The following SYCP1 variants were observed in gnomAD, a reference collection of about 807,000 sequenced individuals.
The protein encoded by SYCP1 is synaptonemal complex protein 1, also known as cancer/testis antigen 8.
In SYCP1, 64 loss-of-function variants were observed where a neutral mutation model predicts 153.1. The observed-to-expected ratio is 0.42, with a 90% confidence interval of 0.34 to 0.51. The LOEUF is 0.51. Among genes scored for constraint, SYCP1 ranks in the 20% least tolerant of loss-of-function variants. SYCP1 has a pLI of 0.06. For synonymous variants in SYCP1, 384 were observed against 341.8 expected (o/e 1.12, Z -1.36); for missense variants, 997 against 1,049.0 (o/e 0.95, Z 0.68).
At position 114,926,263 on chromosome 1, in the gene SYCP1, C is replaced by T. The variant is rs1291293987; in HGVS notation, c.1801-15C>T. 5 of 1,480,628 alleles carry T rather than the reference C, an allele frequency of 3.4e-6. No individual in the cohort carries two copies. The highest frequency in any genetic ancestry group is 4.5e-6 in the Non-Finnish European group (5 of 1,106,748). The allele number at this position is 1,480,628 out of a possible 1,614,324, so 91.7% of individuals were successfully genotyped here. A position where few individuals can be genotyped will look rare whatever the true frequency, so the allele number is the denominator to read the frequency against. On this transcript the variant is annotated splice_polypyrimidine_tract_variant and intron_variant, in intron 21 of 31. Coordinates refer to ENST00000369522, the MANE Select transcript of SYCP1 (RefSeq NM_003176.4). ...ATACTGAATAAAATAGCTATAATTT[C>T]TCACAATTTTTTAGTGTAACAATTT...
chr1:114,881,676 A>T (rs1056422661), intron 12 of SYCP1, among the ~76,000 whole-genome samples: 1 of 151,886 alleles, frequency 6.6e-6, no homozygotes, highest in Non-Finnish European at 1.5e-5. Context: ...TAATTTTAAC[A>T]TTTTTTGTAG....
chr1:114,920,143 C>T (rs1168775590), intron 20 of SYCP1, among the ~76,000 whole-genome samples: 1 of 151,896 alleles, frequency 6.6e-6, no homozygotes, highest in African/African-American at 2.4e-5. Flanking sequence ...CTTAATACTC[C>T]TTTTGCTGTA....
chr1:114,972,975 C>T (rs1369661222), intron 27 of SYCP1, among the ~76,000 whole-genome samples: 1 of 152,114 alleles, frequency 6.6e-6, no homozygotes, highest in African/African-American at 2.4e-5. Flanking sequence ...TTCCCTCAGG[C>T]TTCAGATCTT....
chr1:114,918,066 A>G (rs1668624972), intron 20 of SYCP1, among the ~76,000 whole-genome samples: 2 of 151,996 alleles, frequency 1.3e-5, no homozygotes, highest in Admixed American at 1.3e-4. Context: ...GCCCAGTCCA[A>G]TGTCCTGGAG....
intron 8 of SYCP1, among the ~76,000 whole-genome samples, chr1:114,866,792 C>A (rs1664776431): frequency 6.6e-6 from 1 of 150,574 alleles, no homozygotes; most frequent in South Asian, 2.1e-4. Context: ...CCAAGATCAT[C>A]CAGGTTTTCT....
chr1:114,963,351 G>C (rs1037464599), intron 27 of SYCP1, among the ~76,000 whole-genome samples: 1 of 151,936 alleles, frequency 6.6e-6, no homozygotes, highest in Non-Finnish European at 1.5e-5. Flanking sequence ...CTTCTTGGAG[G>C]CTTTGTTCAT....
At chr1:114,923,346 G>T in intron 20 of SYCP1, 103 bp from the exon 21 acceptor site, 1 of 1,281,108 alleles carries the variant, frequency 7.8e-7, no homozygotes. Flanking sequence ...TTTACATTTG[G>T]TTAAAGAATG....
At chr1:114,931,988 G>A (rs1669664152) in intron 23 of SYCP1, among the ~76,000 whole-genome samples, 1 of 151,956 alleles carries the variant, frequency 6.6e-6, no homozygotes, top group East Asian at 1.9e-4. Context: ...CAAATGATTT[G>A]GAATAACCAG....
intron 27 of SYCP1, among the ~76,000 whole-genome samples, chr1:114,975,971 A>C (rs1051928988): frequency 2.0e-5 from 3 of 151,804 alleles, no homozygotes; most frequent in Non-Finnish European, 3.0e-5. Flanking sequence ...AGATAGGTTT[A>C]TGGTTCCATG....
At chr1:114,888,032 T>G (rs1016708904) in intron 15 of SYCP1, among the ~76,000 whole-genome samples, 1 of 152,124 alleles carries the variant, frequency 6.6e-6, no homozygotes, top group Admixed American at 6.6e-5. Context: ...TGTCTGTTAT[T>G]GTTTAATTGA....
At chr1:114,920,067 A>G (rs770771117) in intron 20 of SYCP1, among the ~76,000 whole-genome samples, 5 of 151,754 alleles carry the variant, frequency 3.3e-5, no homozygotes, top group Admixed American at 6.6e-5. Context: ...GTAGTTTTTT[A>G]AGATGCATCA....
intron 28 of SYCP1, among the ~76,000 whole-genome samples, chr1:114,980,605 T>C (rs1275763902): frequency 6.6e-6 from 1 of 151,926 alleles, no homozygotes; most frequent in East Asian, 1.9e-4. Context: ...TATCAATGTA[T>C]GAAAGAGAAC....
intron 18 of SYCP1, 131 bp from the exon 19 acceptor site, chr1:114,912,902 A>G (rs1390319908): frequency 3.3e-6 from 2 of 615,024 alleles, no homozygotes; most frequent in African/African-American, 3.8e-5. Flanking sequence ...TTATAAACCA[A>G]TAGTCAATTT....
At chr1:114,894,361 C>G (rs1020469440) in intron 15 of SYCP1, among the ~76,000 whole-genome samples, 2 of 152,056 alleles carry the variant, frequency 1.3e-5, no homozygotes, top group Non-Finnish European at 2.9e-5. Context: ...AATAAGGACC[C>G]TTAACAGTGA....
chr1:114,962,881 C>G (rs1384182701), intron 27 of SYCP1, among the ~76,000 whole-genome samples: 1 of 152,178 alleles, frequency 6.6e-6, no homozygotes, highest in Non-Finnish European at 1.5e-5. Flanking sequence ...CGAATTCTCT[C>G]AGCATTTGTT....
intron 5 of SYCP1, among the ~76,000 whole-genome samples, chr1:114,858,300 T>C (rs2101274911): frequency 6.6e-6 from 1 of 152,254 alleles, no homozygotes; most frequent in Non-Finnish European, 1.5e-5. Context: ...ACTAAAATAT[T>C]TTTATGGAGC....
At chr1:114,895,541 A>G in intron 16 of SYCP1, 32 bp downstream of exon 16, 1 of 1,200,572 alleles carries the variant, frequency 8.3e-7, no homozygotes, top group Non-Finnish European at 1.1e-6. Flanking sequence ...AATATATAGC[A>G]ATTACTTTTC....
chr1:114,962,556 G>A (rs1464147230), intron 27 of SYCP1, among the ~76,000 whole-genome samples: 1 of 152,102 alleles, frequency 6.6e-6, no homozygotes, highest in East Asian at 1.9e-4. Flanking sequence ...GAGTCTGTAT[G>A]TGTTATGTTA....
intron 27 of SYCP1, among the ~76,000 whole-genome samples, chr1:114,970,429 C>T (rs778563303): frequency 2.6e-5 from 4 of 151,746 alleles, no homozygotes; most frequent in African/African-American, 9.7e-5. Context: ...GAGATTTCTC[C>T]TTGGTTTTGA....
Sources: gnomAD v4.1 joint callset for allele counts (sites outside exome capture counted in the v4.1 genomes callset) on GRCh38, gnomAD v4.1.1 for gene constraint, MANE v1.5 for transcripts, NCBI Gene and HGNC (gene_info 2026-07-23, HGNC 2026-07-21) for gene names.